The following CNBD1 variants were observed in gnomAD, a reference collection of about 807,000 sequenced individuals.
CNBD1 encodes the protein cyclic nucleotide binding domain containing 1, also known as cyclic nucleotide-binding domain-containing protein 1.
Under a neutral mutation model 54.4 loss-of-function variants are expected in CNBD1, and 71 were observed. The ratio of observed to expected loss-of-function variants is 1.30; its 90% CI spans 1.08 to 1.59. The LOEUF (loss-of-function observed/expected upper bound fraction) is 1.59. CNBD1 is among the 40% of genes most tolerant of loss of function. The pLI, the probability that CNBD1 is intolerant of heterozygous loss-of-function variation, is 0.00. For missense variants in CNBD1, 659 were observed against 518.0 expected (o/e 1.27, Z -2.64); for synonymous variants, 182 against 170.7 (o/e 1.07, Z -0.51).
intron 4 of CNBD1, among the ~76,000 whole-genome samples, chr8:87,181,176 A>G (rs763504715): frequency 6.6e-5 from 10 of 152,204 alleles, no homozygotes; most frequent in Non-Finnish European, 8.8e-5. Flanking sequence ...GAACAGATCT[A>G]TGTCTGCAGG....
intron 2 of CNBD1, among the ~76,000 whole-genome samples, chr8:86,888,401 C>T (rs1450063692): frequency 6.6e-6 from 1 of 151,992 alleles, no homozygotes; most frequent in Non-Finnish European, 1.5e-5. Flanking sequence ...CTCCTTGCAC[C>T]CAGTGCCTTT....
At chr8:87,378,641 T>C (rs1372523552) in intron 10 of CNBD1, among the ~76,000 whole-genome samples, 1 of 149,248 alleles carries the variant, frequency 6.7e-6, no homozygotes, top group Non-Finnish European at 1.5e-5. Context: ...CTGCAGGCTC[T>C]TTTTTGGTTC....
intron 5 of CNBD1, among the ~76,000 whole-genome samples, chr8:87,232,616 T>C (rs902262625): frequency 6.6e-6 from 1 of 152,116 alleles, no homozygotes; most frequent in African/African-American, 2.4e-5. Flanking sequence ...TTTTACAAAA[T>C]TAAAAAATAA....
At position 87,092,393 on chromosome 8, in the gene CNBD1, ATGTG is replaced by A. The variant is rs1269097141; in HGVS notation, c.432-113590_432-113587del. Among the ~76,000 whole-genome samples, 5 of 145,540 alleles carry A rather than the reference ATGTG, an allele frequency of 3.4e-5. No homozygotes were observed. The East Asian group carries it at 6.1e-4, about 18-fold the overall frequency. On this transcript the variant is annotated intron_variant, in intron 4 of 10. Coordinates refer to ENST00000518476, the MANE Select transcript of CNBD1 (RefSeq NM_173538.3). ...TATGTATGTGTGTGTGTGTATATATATGTGTGTGTGTGTATATGTGTGTGTATGT... is the reference window on the plus strand; with the variant it reads ...TATGTATGTGTGTGTGTGTATATATATGTGTGTGTATATGTGTGTGTATGT...
intron 6 of CNBD1, among the ~76,000 whole-genome samples, chr8:87,273,843 T>A (rs937288174): frequency 4.0e-5 from 6 of 151,774 alleles, no homozygotes; most frequent in Non-Finnish European, 5.9e-5. Flanking sequence ...ACATATGTAT[T>A]CATGTGCCAT....
intron 8 of CNBD1, among the ~76,000 whole-genome samples, chr8:87,327,138 A>C (rs1356032748): frequency 3.5e-5 from 5 of 143,092 alleles, no homozygotes; most frequent in Non-Finnish European, 6.1e-5. Context: ...TCAGGGACCC[A>C]CTTGAGGAGG....
intron 4 of CNBD1, among the ~76,000 whole-genome samples, chr8:87,177,838 T>C (rs1813230886): frequency 6.6e-6 from 1 of 152,220 alleles, no homozygotes; most frequent in South Asian, 2.1e-4. Context: ...AAAATAATCA[T>C]AGTTTTCTAA....
At chr8:87,131,905 C>A (rs917461414) in intron 4 of CNBD1, among the ~76,000 whole-genome samples, 1 of 151,990 alleles carries the variant, frequency 6.6e-6, no homozygotes, top group African/African-American at 2.4e-5. Flanking sequence ...TAGTGTTAGT[C>A]TGCTGAGGAT....
At chr8:87,311,770 A>G (rs1230534634) in intron 8 of CNBD1, among the ~76,000 whole-genome samples, 1 of 152,128 alleles carries the variant, frequency 6.6e-6, no homozygotes, top group Non-Finnish European at 1.5e-5. Context: ...CAGCTATAAA[A>G]AAGAGCAAAA....
intron 4 of CNBD1, among the ~76,000 whole-genome samples, chr8:87,139,685 A>G (rs1812332914): frequency 6.6e-6 from 1 of 152,128 alleles, no homozygotes; most frequent in African/African-American, 2.4e-5. Context: ...GCCATAAATG[A>G]TAGCACAACC....
chr8:86,952,259 G>T (rs776977571), intron 4 of CNBD1, among the ~76,000 whole-genome samples: 6 of 152,136 alleles, frequency 3.9e-5, no homozygotes, highest in Non-Finnish European at 7.3e-5. Context: ...TCCTGAGGCT[G>T]TGCCACAGGT....
chr8:87,258,734 C>T (rs1307044978), intron 6 of CNBD1, among the ~76,000 whole-genome samples: 4 of 152,204 alleles, frequency 2.6e-5, no homozygotes, highest in East Asian at 1.9e-4. Context: ...ATCAATTTGA[C>T]CATAAGGTGA....
At chr8:86,882,308 G>T (rs1043245534) in intron 1 of CNBD1, among the ~76,000 whole-genome samples, 6 of 151,948 alleles carry the variant, frequency 3.9e-5, no homozygotes, top group African/African-American at 1.5e-4. Flanking sequence ...GCATCTATAA[G>T]GAACTTAAAC....
intron 8 of CNBD1, among the ~76,000 whole-genome samples, chr8:87,327,978 T>G (rs1032888213): frequency 6.6e-6 from 1 of 152,166 alleles, no homozygotes; most frequent in Non-Finnish European, 1.5e-5. Flanking sequence ...TTTCTTTTTT[T>G]AAAAGTTTAG....
intron 4 of CNBD1, among the ~76,000 whole-genome samples, chr8:86,989,649 C>A (rs746109242): frequency 1.3e-5 from 2 of 151,964 alleles, no homozygotes; most frequent in African/African-American, 2.4e-5. Context: ...TGGGGTTTCA[C>A]CATGTTGCCC....
intron 2 of CNBD1, among the ~76,000 whole-genome samples, chr8:87,424,579 C>T (rs574058843): frequency 7.9e-5 from 12 of 152,082 alleles, no homozygotes; most frequent in South Asian, 4.1e-4. Context: ...CATGTAGTTG[C>T]GCGTTTTTGC....
At chr8:87,263,216 GACT>G (rs1808177634) in intron 6 of CNBD1, among the ~76,000 whole-genome samples, 1 of 152,068 alleles carries the variant, frequency 6.6e-6, no homozygotes, top group African/African-American at 2.4e-5. Flanking sequence ...CAACTATGAT[GACT>G]ACAATTTATT....
intron 2 of CNBD1, among the ~76,000 whole-genome samples, chr8:86,900,534 GCTGTACATT>G (rs1397066191): frequency 6.6e-6 from 1 of 152,156 alleles, no homozygotes; most frequent in Non-Finnish European, 1.5e-5. Flanking sequence ...ATATCTAAAT[GCTGTACATT>G]CTGTACCTGG....
intron 4 of CNBD1, among the ~76,000 whole-genome samples, chr8:86,954,580 G>C (rs538023197): frequency 9.4e-6 from 1 of 106,732 alleles, no homozygotes; most frequent in African/African-American, 3.6e-5. Context: ...TTTACATTCC[G>C]TGTTCTTATA....
Sources: gnomAD v4.1 joint callset for allele counts (sites outside exome capture counted in the v4.1 genomes callset) on GRCh38, gnomAD v4.1.1 for gene constraint, MANE v1.5 for transcripts, NCBI Gene and HGNC (gene_info 2026-07-23, HGNC 2026-07-21) for gene names.